The following OVCH1 variants were observed in gnomAD, a reference collection of about 807,000 sequenced individuals.
OVCH1 encodes ovochymase 1, also known as ovochymase-1.
OVCH1 carries 139 observed loss-of-function variants against 138.4 expected under a neutral mutation model. That is an observed-to-expected ratio of 1.00 (90% CI 0.87 to 1.16). The LOEUF (loss-of-function observed/expected upper bound fraction) is 1.16. Ranked by LOEUF, OVCH1 falls within the 50% of genes most tolerant of loss-of-function variation. The pLI, the probability that OVCH1 is intolerant of heterozygous loss-of-function variation, is 0.00. For synonymous variants in OVCH1, 453 were observed against 467.8 expected (o/e 0.97, Z 0.41); for missense variants, 1,367 against 1,357.9 (o/e 1.01, Z -0.11).
intron 3 of OVCH1, among the ~76,000 whole-genome samples, chr12:29,421,089 G>A (rs914823855): frequency 3.3e-5 from 5 of 152,204 alleles, no homozygotes; most frequent in Non-Finnish European, 5.9e-5. Context: ...TGTGGCCAGG[G>A]AGCCTCTATA....
chr12:29,491,088 G>T lies in OVCH1; in HGVS notation c.550+9C>A. 6.2e-7 allele frequency: 1 copy of T among 1,608,152 alleles called. No homozygotes were observed. The highest frequency in any genetic ancestry group is 8.5e-7 in the Non-Finnish European group (1 of 1,174,816). ...GGAAGAAGTATTAAGTCATTTTGGT[G>T]TCTCTTACTTTTGGAAATCTTGCCC... is the stretch of plus-strand genomic sequence containing the variant. On this transcript the variant is annotated intron_variant, in intron 5 of 27. Transcript: ENST00000318184.
chr12:29,450,742 A>T (rs1941764718), intron 22 of OVCH1, among the ~76,000 whole-genome samples: 1 of 152,192 alleles, frequency 6.6e-6, no homozygotes, highest in Admixed American at 6.6e-5. Flanking sequence ...CACTCTTCAC[A>T]ATAGCAAACA....
At chr12:29,497,221 C>T (rs886246847) in intron 1 of OVCH1, among the ~76,000 whole-genome samples, 2 of 152,126 alleles carry the variant, frequency 1.3e-5, no homozygotes, top group Non-Finnish European at 2.9e-5. Context: ...GTGATCGCAT[C>T]ACTGCAGTCC....
At chr12:29,447,010 A>T (rs1235116955) in intron 22 of OVCH1, among the ~76,000 whole-genome samples, 1 of 152,132 alleles carries the variant, frequency 6.6e-6, no homozygotes, top group African/African-American at 2.4e-5. Context: ...TTAGGAATAA[A>T]TGACAAAGGA....
chr12:29,441,478 A>T (rs574001257), intron 25 of OVCH1, among the ~76,000 whole-genome samples: 1 of 152,334 alleles, frequency 6.6e-6, no homozygotes, highest in South Asian at 2.1e-4. Flanking sequence ...TTCAAGATGG[A>T]TTAAAGACTT....
At chr12:29,476,121 T>C (rs771159692) in intron 13 of OVCH1, 85 bp downstream of exon 13, 36 of 1,070,778 alleles carry the variant, frequency 3.4e-5, no homozygotes, top group Admixed American at 1.2e-4. Context: ...CCACTCTACG[T>C]TCTGGTACCC....
At chr12:29,472,842 T>A (rs1345761626) in intron 15 of OVCH1, among the ~76,000 whole-genome samples, 187 bp downstream of exon 15, 1 of 152,220 alleles carries the variant, frequency 6.6e-6, no homozygotes, top group Non-Finnish European at 1.5e-5. Context: ...TCATTTGTTC[T>A]TCCCTCTATT....
chr12:29,443,583 A>C (rs1941541704), intron 24 of OVCH1, 83 bp from the exon 25 acceptor site: 1 of 1,330,488 alleles, frequency 7.5e-7, no homozygotes, highest in South Asian at 1.7e-5. Context: ...TTAATGCATC[A>C]ATGTTATTGA....
chr12:29,409,468 C>A (rs565170402), downstream of OVCH1, among the ~76,000 whole-genome samples: 1,083 of 152,034 alleles, frequency 7.1e-3, 14 homozygotes, highest in African/African-American at 0.025. Flanking sequence ...TCCCTCTACA[C>A]ACTGCTTTGA....
At chr12:29,477,530 C>G (rs1324303476) in intron 10 of OVCH1, 52 bp from the exon 11 acceptor site, 3 of 1,613,854 alleles carry the variant, frequency 1.9e-6, no homozygotes, top group Non-Finnish European at 2.5e-6. Context: ...GTGGTGGAAA[C>G]TTACACGTTT....
chr12:29,407,091 G>A, the OVCH1 span, among the ~76,000 whole-genome samples: 23 of 152,012 alleles, frequency 1.5e-4, no homozygotes, highest in Admixed American at 1.5e-3. Context: ...TTTTTTGGCT[G>A]CATAAATGTC....
chr12:29,411,766 C>A (rs1940960287), downstream of OVCH1, among the ~76,000 whole-genome samples: 1 of 95,456 alleles, frequency 1.0e-5, no homozygotes, highest in African/African-American at 3.0e-5. Flanking sequence ...CAGGGACCCA[C>A]TTGAGGAGGC....
chr12:29,425,828 G>A (rs1941171232), downstream of OVCH1: 1 of 150,776 alleles, frequency 6.6e-6, no homozygotes, highest in South Asian at 2.1e-4. Context: ...ACCTCTCCAT[G>A]AGAATTCCAT....
intron 27 of OVCH1, among the ~76,000 whole-genome samples, chr12:29,432,528 G>T (rs1208446631): frequency 2.0e-5 from 3 of 152,104 alleles, no homozygotes; most frequent in African/African-American, 7.2e-5. Flanking sequence ...GAAATCAAGG[G>T]TTCAATTTTG....
At chr12:29,427,464 T>C (rs1941198257), downstream of OVCH1, 26 of 1,463,994 alleles carry the variant, frequency 1.8e-5, no homozygotes, top group Non-Finnish European at 2.3e-5. Flanking sequence ...AGAGGAGGTC[T>C]CAGGTAAGGT....
downstream of OVCH1, among the ~76,000 whole-genome samples, chr12:29,427,393 C>CATCA (rs1254879984): frequency 6.6e-6 from 1 of 152,130 alleles, no homozygotes; most frequent in African/African-American, 2.4e-5. Context: ...GATAATACTC[C>CATCA]ATCAGGCCAT....
chr12:29,449,997 A>G (rs1160463943), intron 22 of OVCH1, among the ~76,000 whole-genome samples: 1 of 152,158 alleles, frequency 6.6e-6, no homozygotes, highest in Non-Finnish European at 1.5e-5. Context: ...TCCTCCTTAC[A>G]TCTTATACAA....
At chr12:29,468,253 TGATA>T (rs1424506612) in intron 16 of OVCH1, among the ~76,000 whole-genome samples, 3 of 152,190 alleles carry the variant, frequency 2.0e-5, no homozygotes, top group Non-Finnish European at 4.4e-5. Context: ...AGCTCTTGCT[TGATA>T]ACCTTCTCTA....
exon 14 of OVCH1, chr12:29,475,185 T>A (rs761802611): frequency 1.4e-6 from 2 of 1,464,406 alleles, no homozygotes; most frequent in African/African-American, 1.5e-5. Context: ...TTCCACAAAG[T>A]TTAGCTGAAA....
Sources: allele counts gnomAD v4.1 joint callset (sites outside exome capture counted in the v4.1 genomes callset), GRCh38; gene constraint gnomAD v4.1.1; transcripts MANE v1.5; gene names NCBI Gene and HGNC (gene_info 2026-07-23, HGNC 2026-07-21).